Variants in THSD7A observed in about 807,000 individuals in gnomAD.
The protein encoded by THSD7A is thrombospondin type-1 domain-containing protein 7A.
A neutral mutation model predicts 231.3 loss-of-function variants in THSD7A; 96 were observed. The observed-to-expected ratio is 0.41, with a 90% CI of 0.35 to 0.49. THSD7A has a LOEUF of 0.49. THSD7A is among the 20% of genes least tolerant of loss of function. The pLI is 0.05. For synonymous variants in THSD7A, 940 were observed against 743.3 expected, an observed-to-expected ratio of 1.26 and a Z score of -4.30; for missense variants, 2,290 against 2,070.2, an observed-to-expected ratio of 1.11 and a Z score of -2.06.
intron 1 of THSD7A, among the ~76,000 whole-genome samples, chr7:11,720,612 G>A (rs1454765596): frequency 6.6e-6 from 1 of 151,636 alleles, no homozygotes; most frequent in East Asian, 2.0e-4. Flanking sequence ...TTCCAAAGTT[G>A]CTTTTTTCAT....
chr7:11,762,260 T>C (rs114400724), intron 1 of THSD7A, among the ~76,000 whole-genome samples: 1 of 152,146 alleles, frequency 6.6e-6, no homozygotes, highest in Non-Finnish European at 1.5e-5. Flanking sequence ...TATCCATTAG[T>C]GGGATTGCTA....
chr7:11,413,562 A>C (rs1455336149), intron 17 of THSD7A, among the ~76,000 whole-genome samples: 1 of 152,132 alleles, frequency 6.6e-6, no homozygotes. Flanking sequence ...CTTTTCTCTT[A>C]GTTATTCCTG....
intron 23 of THSD7A, among the ~76,000 whole-genome samples, chr7:11,387,304 G>T (rs1257114579): frequency 6.6e-6 from 1 of 152,144 alleles, no homozygotes; most frequent in African/African-American, 2.4e-5. Context: ...ACTTTGGGCA[G>T]TATGGCCATT....
At position 11,370,796 on chromosome 7, in the gene THSD7A, A is replaced by C. The variant is rs1365420092; in HGVS notation, c.*4998T>G. 1.3e-5 allele frequency: 2 copies of C among 152,208 alleles called. No individual in the cohort carries two copies. The highest frequency in any genetic ancestry group is 2.9e-5 in the Non-Finnish European group (2 of 68,024). 9.4% of individuals were successfully genotyped at this position (152,208 alleles called of 1,614,324 possible). ...AGAAAGACAGATTGCAAATTTTAATAAAGTTATATTTTACAATGATAGATA... is the reference window on the plus strand; with the variant it reads ...AGAAAGACAGATTGCAAATTTTAATCAAGTTATATTTTACAATGATAGATA... On this transcript the variant is annotated 3_prime_UTR_variant, in exon 28 of 28. Transcript: ENST00000423059.
intron 6 of THSD7A, among the ~76,000 whole-genome samples, chr7:11,507,350 A>G (rs1023051766): frequency 6.6e-6 from 1 of 152,176 alleles, no homozygotes; most frequent in African/African-American, 2.4e-5. Context: ...TACAAAGATA[A>G]CTCAAAAGAA....
At chr7:11,707,446 T>C (rs886861624) in intron 1 of THSD7A, among the ~76,000 whole-genome samples, 3 of 150,892 alleles carry the variant, frequency 2.0e-5, no homozygotes, top group African/African-American at 7.3e-5. Flanking sequence ...TATAACTCTG[T>C]TGGATTTAGG....
At chr7:11,657,982 G>T (rs1782771562) in intron 1 of THSD7A, among the ~76,000 whole-genome samples, 1 of 151,654 alleles carries the variant, frequency 6.6e-6, no homozygotes, top group Admixed American at 6.6e-5. Flanking sequence ...CAAGGTTATA[G>T]AACACTCAGA....
intron 6 of THSD7A, among the ~76,000 whole-genome samples, chr7:11,540,629 A>C (rs1156596382): frequency 6.6e-6 from 1 of 152,194 alleles, no homozygotes; most frequent in Non-Finnish European, 1.5e-5. Flanking sequence ...GAGGTTTTAA[A>C]GTATGTCTGG....
chr7:11,617,046 C>T (rs1399161856), intron 2 of THSD7A, among the ~76,000 whole-genome samples: 1 of 152,078 alleles, frequency 6.6e-6, no homozygotes, highest in African/African-American at 2.4e-5. Flanking sequence ...TTGTGCATTG[C>T]AAAATAGCTG....
At chr7:11,485,540 T>TTA (rs1391239416) in intron 6 of THSD7A, among the ~76,000 whole-genome samples, 1 of 152,214 alleles carries the variant, frequency 6.6e-6, no homozygotes, top group African/African-American at 2.4e-5. Context: ...GACATCAGTA[T>TTA]TACTATCTAT....
At chr7:11,493,161 T>C (rs1786968905) in intron 6 of THSD7A, among the ~76,000 whole-genome samples, 1 of 152,166 alleles carries the variant, frequency 6.6e-6, no homozygotes, top group Non-Finnish European at 1.5e-5. Context: ...CATTAGCTTG[T>C]TGATTGACAA....
chr7:11,601,078 C>T (rs576216495), intron 2 of THSD7A, among the ~76,000 whole-genome samples: 2 of 152,314 alleles, frequency 1.3e-5, no homozygotes, highest in East Asian at 3.9e-4. Flanking sequence ...CAATGAAAGT[C>T]ATGCAAAATA....
At chr7:11,818,876 T>C (rs997211976) in intron 1 of THSD7A, among the ~76,000 whole-genome samples, 2 of 63,534 alleles carry the variant, frequency 3.1e-5, no homozygotes, top group East Asian at 1.7e-3. Context: ...CCCATGTGGT[T>C]TTTTTTCATT....
intron 13 of THSD7A, among the ~76,000 whole-genome samples, chr7:11,441,520 A>C (rs1784803098): frequency 6.6e-6 from 1 of 152,106 alleles, no homozygotes; most frequent in Non-Finnish European, 1.5e-5. Context: ...GATTAACTTG[A>C]GAAGTACCTA....
At chr7:11,575,408 C>T (rs1185436646) in intron 4 of THSD7A, among the ~76,000 whole-genome samples, 3 of 152,238 alleles carry the variant, frequency 2.0e-5, no homozygotes, top group Admixed American at 6.5e-5. Flanking sequence ...TTTCTTTGCC[C>T]TGCATCTAGT....
intron 1 of THSD7A, among the ~76,000 whole-genome samples, chr7:11,639,340 A>G (rs1781987541): frequency 6.6e-6 from 1 of 152,216 alleles, no homozygotes; most frequent in Non-Finnish European, 1.5e-5. Flanking sequence ...TAAAAAACAT[A>G]ACTGTACATT....
chr7:11,651,597 T>C (rs1385285835), intron 1 of THSD7A, among the ~76,000 whole-genome samples: 2 of 151,956 alleles, frequency 1.3e-5, no homozygotes, highest in Non-Finnish European at 2.9e-5. Flanking sequence ...AGAATACTTC[T>C]ATATATAGCA....
intron 23 of THSD7A, among the ~76,000 whole-genome samples, chr7:11,395,507 A>C (rs1419114695): frequency 6.6e-6 from 1 of 151,840 alleles, no homozygotes; most frequent in African/African-American, 2.4e-5. Context: ...ACCCCAAATC[A>C]ACAGAATATG....
intron 2 of THSD7A, among the ~76,000 whole-genome samples, chr7:11,607,058 G>A (rs1780755436): frequency 6.6e-6 from 1 of 151,804 alleles, no homozygotes; most frequent in Non-Finnish European, 1.5e-5. Context: ...GCTTTTCAAG[G>A]TAGATGCATT....
Sources: allele counts gnomAD v4.1 joint callset (sites outside exome capture counted in the v4.1 genomes callset), GRCh38; gene constraint gnomAD v4.1.1; transcripts MANE v1.5; gene names NCBI Gene and HGNC (gene_info 2026-07-23, HGNC 2026-07-21).